The following PDS5A variants were observed in gnomAD, a reference collection of about 807,000 sequenced individuals.
PDS5A encodes sister chromatid cohesion protein PDS5 homolog A.
PDS5A carries 42 observed loss-of-function variants against 167.1 expected under a neutral mutation model. The observed-to-expected ratio is 0.25, with a 90% CI of 0.20 to 0.33. The LOEUF (loss-of-function observed/expected upper bound fraction) is 0.33. PDS5A is among the 10% of genes least tolerant of loss of function. The pLI, the probability that PDS5A is intolerant of heterozygous loss-of-function variation, is 1.00. For missense variants in PDS5A, 1,033 were observed against 1,605.9 expected (o/e 0.64, Z 6.10); for synonymous variants, 553 against 554.6 (o/e 1.00, Z 0.04).
At chr4:39,950,821 C>A (rs1728281435) in intron 2 of PDS5A, among the ~76,000 whole-genome samples, 1 of 152,142 alleles carries the variant, frequency 6.6e-6, no homozygotes, top group African/African-American at 2.4e-5. Context: ...CCCCTAACCT[C>A]AGGTAATCCA....
chr4:39,920,801 T>TTAATCAATGAAA (rs1424502737), intron 6 of PDS5A, among the ~76,000 whole-genome samples: 3 of 152,208 alleles, frequency 2.0e-5, no homozygotes, highest in African/African-American at 4.8e-5. Flanking sequence ...ATTTCATTGT[T>TTAATCAATGAAA]TAATCAATGC....
intron 10 of PDS5A, among the ~76,000 whole-genome samples, chr4:39,909,211 C>T (rs1014003397): frequency 1.3e-5 from 2 of 151,402 alleles, no homozygotes; most frequent in African/African-American, 4.9e-5. Flanking sequence ...CTGCAACCTC[C>T]GCCGCCCAGG....
intron 32 of PDS5A, among the ~76,000 whole-genome samples, chr4:39,836,652 TG>T (rs1002680145): frequency 4.3e-5 from 6 of 139,594 alleles, no homozygotes; most frequent in African/African-American, 1.3e-4. Context: ...TTAGTAGAGA[TG>T]GGGTTTCACC....
intron 13 of PDS5A, among the ~76,000 whole-genome samples, chr4:39,901,616 C>T (rs1722895403): frequency 6.6e-6 from 1 of 152,020 alleles, no homozygotes; most frequent in Non-Finnish European, 1.5e-5. Flanking sequence ...TTGAAGAAGC[C>T]ACAATGGCAA....
chr4:39,959,348 TCTAA>T (rs1729267450), intron 2 of PDS5A, among the ~76,000 whole-genome samples: 2 of 152,164 alleles, frequency 1.3e-5, no homozygotes, highest in Non-Finnish European at 2.9e-5. Flanking sequence ...AAATGTTTAA[TCTAA>T]ATTTTTTTGT....
At chr4:39,830,056 A>G (rs970720333) in intron 32 of PDS5A, among the ~76,000 whole-genome samples, 3 of 151,178 alleles carry the variant, frequency 2.0e-5, no homozygotes, top group African/African-American at 7.3e-5. Flanking sequence ...TGGGATCTTA[A>G]GCCATGCCCT....
At chr4:39,930,573 T>G (rs1725968725) in intron 2 of PDS5A, among the ~76,000 whole-genome samples, 1 of 152,178 alleles carries the variant, frequency 6.6e-6, no homozygotes, top group African/African-American at 2.4e-5. Flanking sequence ...TTTAAGGTAT[T>G]ACATTTTATT....
chr4:39,867,677 G>A (rs201147937), intron 22 of PDS5A, among the ~76,000 whole-genome samples: 5 of 151,566 alleles, frequency 3.3e-5, no homozygotes, highest in East Asian at 1.9e-4. Flanking sequence ...CTGAGATTGT[G>A]CCACTGCACT....
chr4:39,917,045 TA>T lies in PDS5A; in HGVS notation c.876+2del. ...AAAAAAAAAGAAAACTGGTCAATCTTACCTTTAGTTTGAATTCAAGCTGTGG... is the reference window on the plus strand; with the variant it reads ...AAAAAAAAAGAAAACTGGTCAATCTTCCTTTAGTTTGAATTCAAGCTGTGG... On this transcript the variant is annotated splice_donor_variant, in intron 8 of 32. Coordinates refer to ENST00000303538, the MANE Select transcript of PDS5A (RefSeq NM_001100399.2). LOFTEE classifies it high-confidence loss of function. 6.8e-7 allele frequency: 1 copy of T among 1,462,850 alleles called. No homozygotes were observed. The highest frequency in any genetic ancestry group is 9.0e-7 in the Non-Finnish European group (1 of 1,109,050). The allele number at this position is 1,462,850 out of a possible 1,614,324, so 90.6% of individuals were successfully genotyped here. A position where few individuals can be genotyped will look rare whatever the true frequency, so the allele number is the denominator to read the frequency against.
intron 2 of PDS5A, among the ~76,000 whole-genome samples, chr4:39,960,969 T>C (rs1420566469): frequency 6.6e-6 from 1 of 152,134 alleles, no homozygotes. Context: ...AGTACAGGCG[T>C]GAGCCACCAC....
chr4:39,949,833 A>AAAAAAAAAAAAAAAAAAAAAAAAAC (rs1728175639), intron 2 of PDS5A, among the ~76,000 whole-genome samples: 1 of 150,882 alleles, frequency 6.6e-6, no homozygotes, highest in African/African-American at 2.4e-5. Context: ...AAAAAAAAAA[A>AAAAAAAAAAAAAAAAAAAAAAAAAC]AAGAAAAACA....
intron 11 of PDS5A, among the ~76,000 whole-genome samples, chr4:39,907,005 C>T (rs1196229113): frequency 6.8e-6 from 1 of 147,888 alleles, no homozygotes; most frequent in Non-Finnish European, 1.5e-5. Flanking sequence ...TAACCAAGGA[C>T]ATCTAACTTA....
At chr4:39,922,347 AC>A (rs1293383026) in intron 6 of PDS5A, among the ~76,000 whole-genome samples, 5 of 152,156 alleles carry the variant, frequency 3.3e-5, no homozygotes, top group Admixed American at 3.3e-4. Flanking sequence ...AACACCCCTA[AC>A]CCCTTACAAT....
chr4:39,838,021 G>A lies in PDS5A; in HGVS notation c.3845C>T (p.Ala1282Val), dbSNP rs1268527769. 6.2e-7 allele frequency: 1 copy of A among 1,613,864 alleles called. No homozygotes were observed. Among genetic ancestry groups the A allele is most frequent in the African/African-American group, 1.3e-5 (1 of 74,920 alleles). Residue 1282 changes from alanine (A) to valine (V), a missense_variant, in exon 32 of 33, where the codon GCT becomes GTT. This residue lies in a region of PDS5A where 233 missense variants were observed against 264.0 expected (regional missense o/e 0.88). Coordinates refer to ENST00000303538, the MANE Select transcript of PDS5A (RefSeq NM_001100399.2). ...TTTATTTAGATCATCATTTTTGGTA[G>A]CATTGCCCTGAGATTCAGACTTGGG... ...RRPKSESQGN[A>V]TKNDDLNKPI... is the part of the protein sequence containing the mutation.
chr4:39,948,127 C>T (rs1249359925), intron 2 of PDS5A, among the ~76,000 whole-genome samples: 1 of 148,566 alleles, frequency 6.7e-6, no homozygotes, highest in African/African-American at 2.5e-5. Flanking sequence ...TAGCACGTAC[C>T]AGTAGTCTCA....
intron 5 of PDS5A, among the ~76,000 whole-genome samples, chr4:39,923,671 ACG>A (rs1491144429): frequency 3.3e-5 from 5 of 150,940 alleles, no homozygotes; most frequent in African/African-American, 9.9e-5. Context: ...ACACACACAC[ACG>A]CATCCACTTC....
chr4:39,917,361 A>G (rs11097008), intron 7 of PDS5A, among the ~76,000 whole-genome samples, 173 bp from the exon 8 acceptor site: 52,749 of 152,008 alleles, frequency 0.35, 10,185 homozygotes, highest in East Asian at 0.66. Flanking sequence ...TCATCTAAAC[A>G]GCAGAAGAAA....
intron 32 of PDS5A, among the ~76,000 whole-genome samples, chr4:39,825,896 GT>G (rs1417273598): frequency 2.0e-5 from 3 of 152,108 alleles, no homozygotes; most frequent in African/African-American, 7.2e-5. Context: ...ATGAGTCACT[GT>G]GCTTGGCATG....
intron 26 of PDS5A, among the ~76,000 whole-genome samples, chr4:39,850,007 TC>T (rs1424644394): frequency 6.6e-6 from 1 of 152,060 alleles, no homozygotes; most frequent in East Asian, 1.9e-4. Flanking sequence ...GCGCGGTGGC[TC>T]ATGCCTGTAA....
Sources: gnomAD v4.1 joint callset for allele counts (sites outside exome capture counted in the v4.1 genomes callset) on GRCh38, gnomAD v4.1.1 for gene constraint, gnomAD v4.1.1 regional missense constraint, MANE v1.5 for transcripts, NCBI Gene and HGNC (gene_info 2026-07-23, HGNC 2026-07-21) for gene names.